The following GPC6 variants were observed in gnomAD, a reference collection of about 807,000 sequenced individuals.
The protein encoded by GPC6 is glypican-6.
In GPC6, 14 loss-of-function variants were observed where a neutral mutation model predicts 55.2. The ratio of observed to expected loss-of-function variants is 0.25; its 90% confidence interval spans 0.17 to 0.40. The LOEUF is 0.40. Among genes scored for constraint, GPC6 ranks in the 10% least tolerant of loss-of-function variants. The pLI, the probability that GPC6 is intolerant of heterozygous loss-of-function variation, is 1.00. For synonymous variants in GPC6, 278 were observed against 259.6 expected (o/e 1.07, Z -0.68); for missense variants, 641 against 708.5 (o/e 0.90, Z 1.08).
At chr13:93,944,465 A>G (rs1207005243) in intron 3 of GPC6, among the ~76,000 whole-genome samples, 1 of 152,088 alleles carries the variant, frequency 6.6e-6, no homozygotes, top group Non-Finnish European at 1.5e-5. Flanking sequence ...CGGCCTCCCA[A>G]AGTGCTGGGA....
intron 2 of GPC6, among the ~76,000 whole-genome samples, chr13:93,773,730 C>T (rs1885374689): frequency 6.6e-6 from 1 of 152,120 alleles, no homozygotes; most frequent in Admixed American, 6.6e-5. Flanking sequence ...CAAACCGTTA[C>T]CACTCCTGCC....
chr13:93,570,820 T>C (rs1033381402), intron 2 of GPC6, among the ~76,000 whole-genome samples: 1 of 152,234 alleles, frequency 6.6e-6, no homozygotes, highest in African/African-American at 2.4e-5. Context: ...AATGAAACAA[T>C]TCTTTCAAAT....
At chr13:93,877,028 A>G (rs956464381) in intron 3 of GPC6, among the ~76,000 whole-genome samples, 2 of 152,090 alleles carry the variant, frequency 1.3e-5, no homozygotes, top group African/African-American at 4.8e-5. Flanking sequence ...ACATCATCCT[A>G]TCTTCAATAT....
At chr13:94,101,304 A>C (rs764334263) in intron 4 of GPC6, among the ~76,000 whole-genome samples, 3 of 152,206 alleles carry the variant, frequency 2.0e-5, no homozygotes, top group African/African-American at 4.8e-5. Context: ...CATTAAAGGT[A>C]CTGAATTGTT....
chr13:94,288,928 AATATAGATAGATAGATAGATAGAT>A (rs1391642634), intron 5 of GPC6, among the ~76,000 whole-genome samples: 1 of 113,910 alleles, frequency 8.8e-6, no homozygotes, highest in Non-Finnish European at 1.6e-5. Flanking sequence ...ATATATAACA[AATATAGATAGATAGATAGATAGAT>A]ATATAGATAG....
rs34034260 is a variant in GPC6 at position 93,583,338 on chromosome 13, T to TTGTGTGTG, written c.319+37926_319+37933dup. ...GAATTTGTTTTAAAAGTAATGCACATTGTGTGTGTGTGTGTGCGCGCGCGC... is the reference window on the plus strand; with the variant it reads ...GAATTTGTTTTAAAAGTAATGCACATTGTGTGTGTGTGTGTGTGTGTGTGCGCGCGCGC... On this transcript the variant is annotated intron_variant, in intron 2 of 8. Coordinates refer to ENST00000377047, the MANE Select transcript of GPC6 (RefSeq NM_005708.5). Among the ~76,000 whole-genome samples the TTGTGTGTG allele has an allele frequency of 5.7e-3, 859 of 151,560 alleles. 6 individuals carry two copies. Among genetic ancestry groups the TTGTGTGTG allele is most frequent in the African/African-American group, 0.02 (807 of 41,300 alleles).
chr13:93,348,301 G>A (rs577688125), intron 1 of GPC6, among the ~76,000 whole-genome samples: 98 of 152,264 alleles, frequency 6.4e-4, no homozygotes, highest in African/African-American at 2.4e-3. Context: ...ATAAACAAGA[G>A]ACTCAAGTTT....
At chr13:93,516,271 A>G (rs1042122341) in intron 1 of GPC6, among the ~76,000 whole-genome samples, 1 of 152,188 alleles carries the variant, frequency 6.6e-6, no homozygotes, top group South Asian at 2.1e-4. Context: ...TGTTGCACTC[A>G]CTTTTTCATG....
Position 94,241,538 on chromosome 13 carries a change from A to C in GPC6, c.878-44811A>C, listed in dbSNP as rs182072525. Among the ~76,000 whole-genome samples, 91 of 152,280 alleles carry C rather than the reference A, an allele frequency of 6.0e-4. 1 individual carries two copies. Among genetic ancestry groups the C allele is most frequent in the Middle Eastern group, 3.4e-3 (1 of 294 alleles). On this transcript the variant is annotated intron_variant, in intron 4 of 8. Coordinates refer to ENST00000377047, the MANE Select transcript of GPC6 (RefSeq NM_005708.5). ...ACATATCTGTGAGCAGAAAAATGGTAATCTTGTCATTGCACAGTGCAGAGA... is the reference window on the plus strand; with the variant it reads ...ACATATCTGTGAGCAGAAAAATGGTCATCTTGTCATTGCACAGTGCAGAGA...
intron 1 of GPC6, among the ~76,000 whole-genome samples, chr13:93,378,596 G>A (rs1363456984): frequency 6.6e-6 from 1 of 152,102 alleles, no homozygotes; most frequent in East Asian, 1.9e-4. Context: ...CTCAGCCCCA[G>A]ACCCAAAGTA....
At chr13:93,703,171 T>C (rs1247020769) in intron 2 of GPC6, among the ~76,000 whole-genome samples, 1 of 151,888 alleles carries the variant, frequency 6.6e-6, no homozygotes, top group Non-Finnish European at 1.5e-5. Flanking sequence ...GGCCTAATTT[T>C]AATAATGTCA....
At chr13:93,801,081 A>G (rs1393829906) in intron 2 of GPC6, among the ~76,000 whole-genome samples, 1 of 152,206 alleles carries the variant, frequency 6.6e-6, no homozygotes, top group African/African-American at 2.4e-5. Context: ...CAAAATTCTG[A>G]AAAAGTCTAA....
Position 93,494,621 on chromosome 13 carries a change from A to G in GPC6, c.161-50642A>G, listed in dbSNP as rs1272528759. Among the ~76,000 whole-genome samples the G allele has an allele frequency of 2.0e-5, 3 of 152,194 alleles. No homozygotes were observed. In the East Asian group the frequency reaches 5.8e-4, roughly 29 times the overall value. On this transcript the variant is annotated intron_variant, in intron 1 of 8. Coordinates refer to ENST00000377047, the MANE Select transcript of GPC6 (RefSeq NM_005708.5). ...TTGATGCAGTTTCTTCCTAGTCTCA[A>G]TGGTCTTTACATTTTGGCATGATTT... is the stretch of plus-strand genomic sequence containing the variant.
chr13:94,407,376 G>A lies in GPC6; in HGVS notation c.*4159G>A, dbSNP rs1881411707. The A allele has an allele frequency of 6.6e-6, 1 of 151,954 alleles. No homozygotes were observed. The highest frequency in any genetic ancestry group is 1.5e-5 in the Non-Finnish European group (1 of 67,950). 9.4% of individuals were successfully genotyped at this position (151,954 alleles called of 1,614,324 possible). On this transcript the variant is annotated 3_prime_UTR_variant, in exon 9 of 9. Coordinates refer to ENST00000377047, the MANE Select transcript of GPC6 (RefSeq NM_005708.5). ...TGGATAGAAAATTGCTATTAATCTT[G>A]TATTAAAATAGTTTTTAAAAATCTA...
intron 2 of GPC6, among the ~76,000 whole-genome samples, chr13:93,694,462 TG>T (rs1882374936): frequency 6.6e-6 from 1 of 152,218 alleles, no homozygotes; most frequent in South Asian, 2.1e-4. Context: ...ATTTTAAAAT[TG>T]TGCTCCAGAA....
At chr13:94,304,785 A>G (rs1344188050) in intron 5 of GPC6, among the ~76,000 whole-genome samples, 1 of 152,250 alleles carries the variant, frequency 6.6e-6, no homozygotes, top group Admixed American at 6.5e-5. Flanking sequence ...GATCATTACA[A>G]TACAATGTTT....
At chr13:93,511,153 C>G (rs989257543) in intron 1 of GPC6, among the ~76,000 whole-genome samples, 2 of 149,198 alleles carry the variant, frequency 1.3e-5, no homozygotes, top group South Asian at 4.2e-4. Flanking sequence ...TGTCTCTTTA[C>G]TCTGTTTATT....
intron 4 of GPC6, among the ~76,000 whole-genome samples, chr13:94,200,183 C>A (rs1179931106): frequency 6.6e-6 from 1 of 151,590 alleles, no homozygotes; most frequent in African/African-American, 2.4e-5. Context: ...CCACATGTTT[C>A]CAGGATCCTT....
intron 2 of GPC6, among the ~76,000 whole-genome samples, chr13:93,828,272 C>A (rs966735969): frequency 6.6e-6 from 1 of 152,060 alleles, no homozygotes; most frequent in Non-Finnish European, 1.5e-5. Flanking sequence ...CAATCTGTTA[C>A]GCCTTCCACC....
Sources: gnomAD v4.1 joint callset for allele counts (sites outside exome capture counted in the v4.1 genomes callset) on GRCh38, gnomAD v4.1.1 for gene constraint, MANE v1.5 for transcripts, NCBI Gene and HGNC (gene_info 2026-07-23, HGNC 2026-07-21) for gene names.